Variants in HECW1 observed in about 807,000 individuals in gnomAD.
HECW1 encodes the protein HECT, C2 and WW domain containing E3 ubiquitin protein ligase 1, also known as E3 ubiquitin-protein ligase HECW1.
Under a neutral mutation model 182.3 loss-of-function variants are expected in HECW1, and 61 were observed. The ratio of observed to expected loss-of-function variants is 0.33; its 90% confidence interval spans 0.27 to 0.41. The LOEUF (loss-of-function observed/expected upper bound fraction) is 0.41, where lower values mean the gene tolerates loss of function less well. Among genes scored for constraint, HECW1 ranks in the 10% least tolerant of loss-of-function variants. The probability of loss-of-function intolerance (pLI) is 1.00; values close to 1 mark genes in which losing one functional copy is unlikely to be tolerated. For missense variants in HECW1, 1,739 were observed against 2,108.9 expected, an observed-to-expected ratio of 0.82 and a Z score of 3.44; for synonymous variants, 859 against 832.6, an observed-to-expected ratio of 1.03 and a Z score of -0.55.
intron 19 of HECW1, among the ~76,000 whole-genome samples, chr7:43,494,487 C>G (rs1214454773): frequency 1.3e-5 from 2 of 151,688 alleles, no homozygotes; most frequent in Admixed American, 1.3e-4. Context: ...GTTTCCATCA[C>G]ATATGAAATA....
intron 24 of HECW1, among the ~76,000 whole-genome samples, chr7:43,529,867 C>T (rs918603884): frequency 6.6e-6 from 1 of 152,136 alleles, no homozygotes; most frequent in Admixed American, 6.5e-5. Flanking sequence ...GTAATCGTCA[C>T]CAGCACTGCC....
intron 3 of HECW1, among the ~76,000 whole-genome samples, chr7:43,266,889 TAGTG>T (rs1467310299): frequency 6.6e-6 from 1 of 152,156 alleles, no homozygotes; most frequent in South Asian, 2.1e-4. Context: ...ATATGAAATC[TAGTG>T]AGATTTGAGG....
intron 3 of HECW1, among the ~76,000 whole-genome samples, chr7:43,289,878 C>A (rs1562788919): frequency 6.6e-6 from 1 of 152,174 alleles, no homozygotes; most frequent in Non-Finnish European, 1.5e-5. Context: ...TGGGGGCTTG[C>A]AAGTCATAGA....
intron 1 of HECW1, 148 bp downstream of exon 1, chr7:43,113,085 C>G (rs952504345): frequency 1.1e-5 from 2 of 182,970 alleles, no homozygotes; most frequent in Non-Finnish European, 2.3e-5. Flanking sequence ...TCGCTTCTCC[C>G]GCGAGGTTCA....
chr7:43,330,532 G>C (rs1443757980), intron 5 of HECW1, among the ~76,000 whole-genome samples: 1 of 152,206 alleles, frequency 6.6e-6, no homozygotes, highest in Non-Finnish European at 1.5e-5. Context: ...AGTAACCAGA[G>C]CACCAGAGAA....
At chr7:43,167,273 T>C (rs1275478623) in intron 2 of HECW1, among the ~76,000 whole-genome samples, 1 of 152,132 alleles carries the variant, frequency 6.6e-6, no homozygotes, top group Non-Finnish European at 1.5e-5. Flanking sequence ...CTTGCCTTCA[T>C]CTCCACATGG....
intron 6 of HECW1, among the ~76,000 whole-genome samples, chr7:43,382,157 G>A (rs991555889): frequency 2.0e-5 from 3 of 152,280 alleles, no homozygotes; most frequent in Admixed American, 6.5e-5. Context: ...ATGGTGGTGG[G>A]GGCCTGTAGT....
intron 2 of HECW1, among the ~76,000 whole-genome samples, chr7:43,208,583 A>G (rs1413292471): frequency 6.6e-6 from 1 of 152,224 alleles, no homozygotes; most frequent in Non-Finnish European, 1.5e-5. Context: ...TGTAGGATTC[A>G]GCAGTTTAGG....
At chr7:43,488,377 A>AAT (rs1563044987) in intron 17 of HECW1, among the ~76,000 whole-genome samples, 1 of 113,548 alleles carries the variant, frequency 8.8e-6, no homozygotes, top group Non-Finnish European at 2.0e-5. Flanking sequence ...GAAGGAAGGA[A>AAT]GGAAGGAAGG....
intron 2 of HECW1, among the ~76,000 whole-genome samples, chr7:43,185,963 G>A (rs1793357786): frequency 6.6e-6 from 1 of 152,158 alleles, no homozygotes; most frequent in Non-Finnish European, 1.5e-5. Flanking sequence ...AAGCTGGGAT[G>A]GGATATGGGT....
At chr7:43,476,980 T>C (rs2078239269) in intron 16 of HECW1, among the ~76,000 whole-genome samples, 1 of 152,206 alleles carries the variant, frequency 6.6e-6, no homozygotes, top group East Asian at 1.9e-4. Context: ...AACTTAGCAC[T>C]TGGATAATAA....
chr7:43,523,977 C>G (rs2080646484), intron 24 of HECW1, among the ~76,000 whole-genome samples: 1 of 151,826 alleles, frequency 6.6e-6, no homozygotes, highest in Admixed American at 6.6e-5. Context: ...AAAAACTTCA[C>G]TTTTGACCTT....
At chr7:43,501,772 A>G (rs534988877) in intron 21 of HECW1, among the ~76,000 whole-genome samples, 21 of 152,240 alleles carry the variant, frequency 1.4e-4, no homozygotes, top group Admixed American at 2.6e-4. Context: ...TTGAGGCTGC[A>G]GTGAGCTATG....
chr7:43,368,962 G>A (rs188526000), intron 6 of HECW1, among the ~76,000 whole-genome samples: 103 of 152,274 alleles, frequency 6.8e-4, no homozygotes, highest in Non-Finnish European at 1.2e-3. Flanking sequence ...AATGGAAAGT[G>A]GAAATCCTTT....
At chr7:43,534,443 G>A (rs1175718001) in intron 24 of HECW1, among the ~76,000 whole-genome samples, 1 of 152,208 alleles carries the variant, frequency 6.6e-6, no homozygotes, top group Non-Finnish European at 1.5e-5. Context: ...AGAAGGAAGG[G>A]AGAGGGAGAC....
chr7:43,423,805 G>A (rs576081148), intron 8 of HECW1, among the ~76,000 whole-genome samples: 1 of 152,284 alleles, frequency 6.6e-6, no homozygotes, highest in South Asian at 2.1e-4. Context: ...ACTGGAGCTG[G>A]AACTGGTGCC....
chr7:43,463,659 G>T lies in HECW1; in HGVS notation c.2652-1G>T, dbSNP rs751019277. On this transcript the variant is annotated splice_acceptor_variant, in intron 13 of 29. Transcript: ENST00000395891. LOFTEE classifies it high-confidence loss of function. ...CTGTCTTTCCATTTTCTAATGCAAA[G>T]GTATCAAAACATTCAGCGAACCATT... 1 of 1,612,780 alleles carries T rather than the reference G, an allele frequency of 6.2e-7. No individual in the cohort carries two copies. The highest frequency in any genetic ancestry group is 8.5e-7 in the Non-Finnish European group (1 of 1,179,082).
chr7:43,496,571 A>G (rs2079131152), intron 19 of HECW1, among the ~76,000 whole-genome samples: 1 of 152,156 alleles, frequency 6.6e-6, no homozygotes, highest in South Asian at 2.1e-4. Context: ...TTGAAGGTTC[A>G]GGAGTTGAAG....
At chr7:43,376,556 C>T (rs889934471) in intron 6 of HECW1, among the ~76,000 whole-genome samples, 1 of 152,074 alleles carries the variant, frequency 6.6e-6, no homozygotes, top group Non-Finnish European at 1.5e-5. Context: ...ATTAACATTT[C>T]ACTGAAGGAT....
Sources: gnomAD v4.1 joint callset for allele counts (sites outside exome capture counted in the v4.1 genomes callset) on GRCh38, gnomAD v4.1.1 for gene constraint, MANE v1.5 for transcripts, NCBI Gene and HGNC (gene_info 2026-07-23, HGNC 2026-07-21) for gene names.